The following FANCC variants were observed in gnomAD, a reference collection of about 807,000 sequenced individuals.
FANCC encodes the protein Fanconi anemia group C protein.
FANCC carries 55 observed loss-of-function variants against 71.3 expected under a neutral mutation model. The ratio of observed to expected loss-of-function variants is 0.77; its 90% confidence interval spans 0.62 to 0.97. The LOEUF is 0.97. Among genes scored for constraint, FANCC ranks in the 50% least tolerant of loss-of-function variants. The pLI, the probability that FANCC is intolerant of heterozygous loss-of-function variation, is 0.00. For missense variants in FANCC, 678 were observed against 670.9 expected (o/e 1.01, Z -0.12); for synonymous variants, 275 against 244.9 (o/e 1.12, Z -1.15).
At chr9:95,256,799 G>A (rs1831684844) in intron 1 of FANCC, among the ~76,000 whole-genome samples, 2 of 152,000 alleles carry the variant, frequency 1.3e-5, no homozygotes, top group Non-Finnish European at 2.9e-5. Flanking sequence ...CATCTCACGT[G>A]CAAAGACAGA....
At chr9:95,298,066 T>A (rs903892791) in intron 1 of FANCC, among the ~76,000 whole-genome samples, 4 of 151,888 alleles carry the variant, frequency 2.6e-5, no homozygotes, top group Non-Finnish European at 4.4e-5. Flanking sequence ...ATATAGAAAA[T>A]GGACCACCAG....
intron 13 of FANCC, 65 bp from the exon 14 acceptor site, chr9:95,107,334 T>G (rs2071527371): frequency 1.3e-6 from 2 of 1,536,442 alleles, no homozygotes; most frequent in Middle Eastern, 2.2e-4. Context: ...TTCTAGGATT[T>G]ATTTATTTGC....
intron 1 of FANCC, among the ~76,000 whole-genome samples, chr9:95,268,312 C>A (rs926944289): frequency 5.3e-5 from 8 of 152,330 alleles, no homozygotes; most frequent in Admixed American, 2.0e-4. Flanking sequence ...TCCTTATTCA[C>A]CATCATGGTA....
At chr9:95,222,647 C>T (rs997283000) in intron 4 of FANCC, among the ~76,000 whole-genome samples, 1 of 151,992 alleles carries the variant, frequency 6.6e-6, no homozygotes, top group African/African-American at 2.4e-5. Context: ...AAATGTTCCT[C>T]AATAAAGTTG....
At position 95,149,937 on chromosome 9, in the gene FANCC, G is replaced by T; in HGVS notation, c.672C>A (p.Asn224Lys). The T allele has an allele frequency of 6.2e-7, 1 of 1,605,808 alleles. No homozygotes were observed. The highest frequency in any genetic ancestry group is 8.5e-7 in the Non-Finnish European group (1 of 1,176,152). Reference protein sequence around the residue: ...ILQPEFFEAVNEAILLKKISL... With the variant: ...ILQPEFFEAVKEAILLKKISL... ...TTGCCACTTACAGCAAAATGGCCTCGTTTACAGCCTCAAAGAACTCTGGCT... is the reference window on the plus strand; with the variant it reads ...TTGCCACTTACAGCAAAATGGCCTCTTTTACAGCCTCAAAGAACTCTGGCT... The change falls in exon 7 of 15, where the codon AAC becomes AAA. Residue 224 changes from asparagine (N) to lysine (K), a missense_variant. Coordinates refer to ENST00000289081, the MANE Select transcript of FANCC (RefSeq NM_000136.3).
intron 1 of FANCC, among the ~76,000 whole-genome samples, chr9:95,298,376 C>T (rs1015104978): frequency 6.6e-6 from 1 of 152,058 alleles, no homozygotes; most frequent in African/African-American, 2.4e-5. Context: ...ATGGTGAGTA[C>T]AAGAGACCTG....
chr9:95,268,460 C>A (rs900537500), intron 1 of FANCC, among the ~76,000 whole-genome samples: 4 of 152,230 alleles, frequency 2.6e-5, no homozygotes, highest in African/African-American at 9.7e-5. Flanking sequence ...TGTATTCCTT[C>A]ATCACTTCCA....
intron 1 of FANCC, among the ~76,000 whole-genome samples, chr9:95,273,117 G>A (rs1297107116): frequency 6.6e-6 from 1 of 152,168 alleles, no homozygotes; most frequent in African/African-American, 2.4e-5. Flanking sequence ...ACAGCAGAAT[G>A]TTTTTCTTTT....
At chr9:95,216,341 GA>G (rs999252220) in intron 4 of FANCC, among the ~76,000 whole-genome samples, 2 of 152,074 alleles carry the variant, frequency 1.3e-5, no homozygotes, top group Admixed American at 1.3e-4. Flanking sequence ...AGAAATAAAT[GA>G]AACAAAAAAT....
chr9:95,112,402 C>T (rs1336977502), intron 12 of FANCC, among the ~76,000 whole-genome samples: 2 of 152,162 alleles, frequency 1.3e-5, no homozygotes, highest in African/African-American at 4.8e-5. Flanking sequence ...CTGCCTGGCC[C>T]ATGGAATTCC....
At chr9:95,166,066 C>T (rs1453042190) in intron 6 of FANCC, among the ~76,000 whole-genome samples, 2 of 151,866 alleles carry the variant, frequency 1.3e-5, no homozygotes, top group Admixed American at 1.3e-4. Flanking sequence ...TATGGCTATG[C>T]CTGCTCTATT....
In FANCC at chr9:95,240,722, A is replaced by T; in HGVS notation, c.272T>A (p.Ile91Lys). ...LAYDESQKIL[I>K]WCLCCLINKE... ...GTTAATTAGACAACATAAGCACCATATTAGAATTTTTTGGCTTTCATCTAC... is the reference window on the plus strand; with the variant it reads ...GTTAATTAGACAACATAAGCACCATTTTAGAATTTTTTGGCTTTCATCTAC... The change falls in exon 4 of 15, where the codon ATA becomes AAA. Residue 91 changes from isoleucine (I) to lysine (K), a missense_variant. By Grantham distance (102) the Ile-to-Lys change is moderately radical. Transcript: ENST00000289081. The T allele has an allele frequency of 1.2e-6, 2 of 1,612,512 alleles. No homozygotes were observed. The highest frequency in any genetic ancestry group is 1.7e-6 in the Non-Finnish European group (2 of 1,179,170).
chr9:95,139,968 A>G (rs905048509), intron 7 of FANCC, among the ~76,000 whole-genome samples: 1 of 151,746 alleles, frequency 6.6e-6, no homozygotes, highest in Non-Finnish European at 1.5e-5. Flanking sequence ...TAGTGACAGA[A>G]ACGCTAAGGT....
At chr9:95,220,005 T>C (rs530640723) in intron 4 of FANCC, among the ~76,000 whole-genome samples, 1 of 152,132 alleles carries the variant, frequency 6.6e-6, no homozygotes, top group African/African-American at 2.4e-5. Context: ...ACAAAGAACT[T>C]AAACAAATTT....
rs2071942346 is a variant in FANCC, at chr9:95,111,628, T to C, written c.1164A>G (p.Gly388=). 6.2e-7 allele frequency: 1 copy of C among 1,614,118 alleles called. No homozygotes were observed. Among genetic ancestry groups the C allele is most frequent in the African/African-American group, 1.3e-5 (1 of 75,040 alleles). Residue 388 remains glycine, a synonymous_variant, in exon 13 of 15, where the codon GGA becomes GGG. Transcript: ENST00000289081. ...AVEDQTHGSC[G]GPFESWFLFI... Reference sequence around the variant, plus strand: ...ACAGGAACCAGCTCTCAAAGGGACCTCCGCAGGACCTGGAACAGAGGCAGA... The same window carrying C: ...ACAGGAACCAGCTCTCAAAGGGACCCCCGCAGGACCTGGAACAGAGGCAGA...
At chr9:95,209,252 G>A (rs753067924) in intron 4 of FANCC, among the ~76,000 whole-genome samples, 44 of 152,316 alleles carry the variant, frequency 2.9e-4, no homozygotes, top group Non-Finnish European at 4.6e-4. Flanking sequence ...GGGAGAGCAC[G>A]AATAATTTCT....
rs918988841 is a variant in FANCC at position 95,156,742 on chromosome 9, G to C, written c.522-6655C>G. On this transcript the variant is annotated intron_variant, in intron 6 of 14. Transcript: ENST00000289081. ...CAAGTGTATTCTTCTATCTCAAGTA[G>C]AAGCCGGTTTAATGAAATCAGGTAA... 6.6e-5 allele frequency among the ~76,000 whole-genome samples: 10 copies of C among 152,222 alleles called. No individual in the cohort carries two copies. The South Asian group carries it at 1.9e-3, about 28-fold the overall frequency.
intron 4 of FANCC, among the ~76,000 whole-genome samples, chr9:95,205,032 G>A (rs1326363787): frequency 3.3e-5 from 5 of 152,174 alleles, no homozygotes; most frequent in Non-Finnish European, 5.9e-5. Context: ...TATCACAAAT[G>A]AAAATGACTA....
At chr9:95,316,926 G>A (rs992112705) in intron 1 of FANCC, 1 of 152,168 alleles carries the variant, frequency 6.6e-6, no homozygotes, top group Non-Finnish European at 1.5e-5. Context: ...CCTCCCTCCG[G>A]GAATAAAAGG....
Sources: allele counts gnomAD v4.1 joint callset (sites outside exome capture counted in the v4.1 genomes callset), GRCh38; gene constraint gnomAD v4.1.1; transcripts MANE v1.5; gene names NCBI Gene and HGNC (gene_info 2026-07-23, HGNC 2026-07-21).